Variants in TXNRD2 observed in about 807,000 individuals in gnomAD.
TXNRD2 encodes the protein thioredoxin reductase 2, also known as thioredoxin reductase 2, mitochondrial.
Under a neutral mutation model 70.8 loss-of-function variants are expected in TXNRD2, and 67 were observed. That is an observed-to-expected ratio of 0.95 (90% CI 0.78 to 1.16). The LOEUF is 1.16. Ranked by LOEUF, TXNRD2 falls within the 50% of genes most tolerant of loss-of-function variation. The probability of loss-of-function intolerance (pLI) is 0.00; values close to 1 mark genes in which losing one functional copy is unlikely to be tolerated. For synonymous variants in TXNRD2, 301 were observed against 295.8 expected (o/e 1.02, Z -0.18); for missense variants, 644 against 719.9 (o/e 0.89, Z 1.21).
chr22:19,911,260 CT>C, intron 8 of TXNRD2, 116 bp downstream of exon 8: 1 of 877,584 alleles, frequency 1.1e-6, no homozygotes. Context: ...TTTTTTCCTT[CT>C]TTTGGGTAAA....
At position 19,878,157 on chromosome 22, in the gene TXNRD2, C is replaced by T. The variant is rs770442788; in HGVS notation, c.1378G>A (p.Val460Met). ...MVCLREPPQL[V>M]LGLHFLGPNA... ...GGGCCAAGGAAATGCAGGCCCAGCA[C>T]CAGCTGTGGGGGCTCCCTCAGGCAC... is the stretch of plus-strand genomic sequence containing the variant. Residue 460 changes from valine to methionine, a missense_variant, in exon 16 of 18, where the codon GTG (valine) becomes ATG (methionine). Around this residue, in one of 3 missense-constraint regions of TXNRD2, gnomAD observed 566 missense variants for 645.0 expected, o/e 0.88. Transcript: ENST00000400521. 2 of 1,613,220 alleles carry T rather than the reference C, an allele frequency of 1.2e-6. No homozygotes were observed. The highest frequency in any genetic ancestry group is 1.7e-5 in the Admixed American group (1 of 60,008).
intron 2 of TXNRD2, 148 bp from the exon 3 acceptor site, chr22:19,919,747 T>C (rs911027122): frequency 9.0e-6 from 7 of 778,142 alleles, no homozygotes; most frequent in African/African-American, 8.4e-5. Context: ...TGCGCAATGC[T>C]AGGGACCCCT....
At chr22:19,931,505 CG>C (rs1340619311) in intron 1 of TXNRD2, among the ~76,000 whole-genome samples, 2 of 152,092 alleles carry the variant, frequency 1.3e-5, no homozygotes, top group Non-Finnish European at 2.9e-5. Flanking sequence ...AGAAGGAACA[CG>C]GTCAGCACAG....
chr22:19,933,363 C>A, intron 1 of TXNRD2: 1 of 1,095,762 alleles, frequency 9.1e-7, no homozygotes, highest in Non-Finnish European at 1.2e-6. Context: ...GGAGCATGAA[C>A]CTGCTGATGG....
chr22:19,918,384 C>T (rs992553512), intron 4 of TXNRD2, among the ~76,000 whole-genome samples, 167 bp from the exon 5 acceptor site: 4 of 152,256 alleles, frequency 2.6e-5, no homozygotes, highest in Non-Finnish European at 4.4e-5. Context: ...AACCGCCTGT[C>T]CCAGGCTCAG....
At chr22:19,883,717 G>A (rs1938894061) in intron 11 of TXNRD2, 2 of 478,348 alleles carry the variant, frequency 4.2e-6, no homozygotes, top group South Asian at 2.1e-5. Flanking sequence ...ACTTTGGGAG[G>A]CCGAGGCAAG....
chr22:19,923,117 A>G (rs1292231670), intron 2 of TXNRD2, among the ~76,000 whole-genome samples: 2 of 152,328 alleles, frequency 1.3e-5, no homozygotes, highest in East Asian at 3.9e-4. Flanking sequence ...CCAAGTGGCC[A>G]TTTAATTTTG....
intron 7 of TXNRD2, 114 bp from the exon 8 acceptor site, chr22:19,911,561 T>C: frequency 1.2e-6 from 1 of 800,388 alleles, no homozygotes; most frequent in Non-Finnish European, 2.2e-6. Context: ...AGGGCACACA[T>C]GCACAGGGCT....
intron 10 of TXNRD2, among the ~76,000 whole-genome samples, chr22:19,896,910 G>C (rs1361090842): frequency 6.6e-6 from 1 of 152,164 alleles, no homozygotes; most frequent in Admixed American, 6.5e-5. Context: ...GGCCATCCCA[G>C]GCTCTGAGGG....
At chr22:19,928,140 G>GA (rs1941221718) in intron 2 of TXNRD2, among the ~76,000 whole-genome samples, 1 of 148,676 alleles carries the variant, frequency 6.7e-6, no homozygotes, top group South Asian at 2.1e-4. Context: ...GAGTAAAAAA[G>GA]AAACTACAAA....
intron 12 of TXNRD2, chr22:19,881,458 G>C (rs1218286381): frequency 5.4e-6 from 1 of 184,442 alleles, no homozygotes; most frequent in Middle Eastern, 2.2e-3. Flanking sequence ...CCCGCCCACA[G>C]GCTCTTCCCA....
chr22:19,877,192 G>T lies in TXNRD2; in HGVS notation c.1488C>A (p.Ile496=). ...SYAQVMRTVG[I]HPTCSEEVVK... is the part of the protein sequence containing the mutation. ...CTACCTCCTCAGAGCATGTGGGATG[G>T]ATACCCACGGTCCGCATCACCTGCG... is the stretch of plus-strand genomic sequence containing the variant. Residue 496 remains isoleucine, a synonymous_variant, in exon 17 of 18, where the codon ATC becomes ATA. Transcript: ENST00000400521. 2.5e-6 allele frequency: 4 copies of T among 1,611,736 alleles called. No homozygotes were observed. The highest frequency in any genetic ancestry group is 3.4e-6 in the Non-Finnish European group (4 of 1,178,832).
chr22:19,933,326 G>C, intron 1 of TXNRD2: 1 of 606,780 alleles, frequency 1.6e-6, no homozygotes, highest in African/African-American at 1.9e-5. Flanking sequence ...CTGCTGGTCA[G>C]GGAGAAAATG....
At chr22:19,916,406 T>G (rs1471041426) in intron 5 of TXNRD2, 2 of 158,790 alleles carry the variant, frequency 1.3e-5, no homozygotes, top group Non-Finnish European at 2.8e-5. Context: ...CTTGGCTCAC[T>G]GCAATCTCCA....
intron 11 of TXNRD2, among the ~76,000 whole-genome samples, chr22:19,889,549 T>G (rs1939175569): frequency 6.6e-6 from 1 of 152,144 alleles, no homozygotes; most frequent in Non-Finnish European, 1.5e-5. Flanking sequence ...AGGTGGAGGT[T>G]GCGGTGAGCC....
rs1451967489 is a variant in TXNRD2 at position 19,939,990 on chromosome 22, T to C, written c.103+1711A>G. Among the ~76,000 whole-genome samples the C allele has an allele frequency of 4.6e-5, 7 of 152,150 alleles. No individual in the cohort carries two copies. The East Asian group carries it at 1.3e-3, about 29-fold the overall frequency. ...TGGGCGCAGTGGCTCATGCCTGTAATCCCAGCACTTTGGGAGGCCAAGGCA... is the reference window on the plus strand; with the variant it reads ...TGGGCGCAGTGGCTCATGCCTGTAACCCCAGCACTTTGGGAGGCCAAGGCA... On this transcript the variant is annotated intron_variant, in intron 1 of 17. Transcript: ENST00000400521.
chr22:19,898,033 C>A lies in TXNRD2; in HGVS notation c.774+6G>T. ...CAGGGGCGGGAGCTGGGGCCTCCAG[C>A]ACTACCTGGTCGAAGCCGCGGAGGG... is the stretch of plus-strand genomic sequence containing the variant. On this transcript the variant is annotated splice_donor_region_variant and intron_variant, in intron 10 of 17. Coordinates refer to ENST00000400521, the MANE Select transcript of TXNRD2 (RefSeq NM_006440.5). The A allele has an allele frequency of 6.4e-7, 1 of 1,552,124 alleles. No homozygotes were observed.
chr22:19,907,927 A>T (rs1442558127), intron 8 of TXNRD2, among the ~76,000 whole-genome samples: 1 of 56,250 alleles, frequency 1.8e-5, no homozygotes, highest in Non-Finnish European at 3.1e-5. Context: ...GTGTGGGCAC[A>T]CCATGGGTAG....
intron 10 of TXNRD2, among the ~76,000 whole-genome samples, chr22:19,895,792 A>G (rs1349843946): frequency 6.6e-6 from 1 of 152,158 alleles, no homozygotes. Context: ...CCTGGGCCCT[A>G]TGGTCAGGAT....
Sources: gnomAD v4.1 joint callset for allele counts (sites outside exome capture counted in the v4.1 genomes callset) on GRCh38, gnomAD v4.1.1 for gene constraint, gnomAD v4.1.1 regional missense constraint, MANE v1.5 for transcripts, NCBI Gene and HGNC (gene_info 2026-07-23, HGNC 2026-07-21) for gene names.